Variants in APBB2 observed in about 807,000 individuals in gnomAD.
APBB2 encodes the protein Fe65-like 1.
A neutral mutation model predicts 82.5 loss-of-function variants in APBB2; 38 were observed. The ratio of observed to expected loss-of-function variants is 0.46; its 90% CI spans 0.36 to 0.60. The LOEUF is 0.60. Ranked by LOEUF, APBB2 falls within the 20% of genes least tolerant of loss-of-function variation. The pLI is 0.00. For synonymous variants in APBB2, 341 were observed against 368.2 expected, an observed-to-expected ratio of 0.93 and a Z score of 0.85; for missense variants, 772 against 972.3, an observed-to-expected ratio of 0.79 and a Z score of 2.74.
chr4:41,118,396 C>G (rs1325920823), intron 2 of APBB2, among the ~76,000 whole-genome samples: 4 of 152,086 alleles, frequency 2.6e-5, no homozygotes, highest in Non-Finnish European at 5.9e-5. Context: ...CCGTTTTCCT[C>G]ATCTATAAAA....
At chr4:41,173,263 T>C (rs924781519) in intron 1 of APBB2, among the ~76,000 whole-genome samples, 1 of 152,236 alleles carries the variant, frequency 6.6e-6, no homozygotes, top group Non-Finnish European at 1.5e-5. Context: ...TTTAAAATCA[T>C]AAGTTAGTTA....
At chr4:40,819,176 CTTTTTTTTTTTTCTT>C (rs1208565615) in intron 17 of APBB2, among the ~76,000 whole-genome samples, 28 of 135,214 alleles carry the variant, frequency 2.1e-4, no homozygotes, top group Non-Finnish European at 1.2e-4. Context: ...CCTTGGCTCT[CTTTTTTTTTTTTCTT>C]TTTTTTTTTT....
chr4:41,157,324 C>CA (rs1450560065), intron 1 of APBB2, among the ~76,000 whole-genome samples: 1 of 152,176 alleles, frequency 6.6e-6, no homozygotes, highest in Non-Finnish European at 1.5e-5. Flanking sequence ...AGAGCTCCTG[C>CA]ATGAAAGCCC....
intron 2 of APBB2, among the ~76,000 whole-genome samples, chr4:41,123,573 T>C (rs1279315316): frequency 6.6e-6 from 1 of 152,166 alleles, no homozygotes; most frequent in African/African-American, 2.4e-5. Context: ...GGCTCACACC[T>C]GTAATCCCAG....
At chr4:41,044,225 T>C (rs915043232) in intron 4 of APBB2, among the ~76,000 whole-genome samples, 1 of 152,232 alleles carries the variant, frequency 6.6e-6, no homozygotes, top group Non-Finnish European at 1.5e-5. Flanking sequence ...AGAAAGAAGC[T>C]GATTCTTTCC....
chr4:41,176,174 G>A (rs1478157854), intron 1 of APBB2, among the ~76,000 whole-genome samples: 1 of 152,022 alleles, frequency 6.6e-6, no homozygotes, highest in Non-Finnish European at 1.5e-5. Flanking sequence ...CTCTGTTACT[G>A]AAATATAACC....
chr4:40,995,548 A>ATTT (rs58607232), intron 6 of APBB2, among the ~76,000 whole-genome samples: 1 of 142,596 alleles, frequency 7.0e-6, no homozygotes, highest in African/African-American at 2.6e-5. Flanking sequence ...AAAAAAAAAA[A>ATTT]TTTTTTTTTT....
At chr4:40,880,558 A>G (rs1768181708) in intron 12 of APBB2, 2 of 985,338 alleles carry the variant, frequency 2.0e-6, no homozygotes, top group South Asian at 9.4e-5. Context: ...CCATGTTTAC[A>G]TGGGTTGTTA....
At chr4:41,026,495 C>A (rs1212330855) in intron 5 of APBB2, among the ~76,000 whole-genome samples, 2 of 152,110 alleles carry the variant, frequency 1.3e-5, no homozygotes, top group Non-Finnish European at 2.9e-5. Flanking sequence ...CAGTCACGAC[C>A]CATTCGTCCC....
intron 12 of APBB2, among the ~76,000 whole-genome samples, chr4:40,862,925 GCTT>G (rs1367348668): frequency 6.6e-6 from 1 of 150,942 alleles, no homozygotes; most frequent in Non-Finnish European, 1.5e-5. Flanking sequence ...CAGACTCCTC[GCTT>G]TTTTTACATA....
intron 12 of APBB2, among the ~76,000 whole-genome samples, chr4:40,879,837 A>C (rs767700602): frequency 4.1e-4 from 63 of 152,054 alleles, no homozygotes; most frequent in Non-Finnish European, 7.5e-4. Flanking sequence ...GATTACAGGC[A>C]TGTGCTAACA....
intron 6 of APBB2, among the ~76,000 whole-genome samples, chr4:40,994,657 A>G (rs775908945): frequency 2.0e-5 from 3 of 151,886 alleles, no homozygotes; most frequent in Non-Finnish European, 4.4e-5. Context: ...TACTAAAAAT[A>G]CAAAATATTA....
At chr4:41,002,688 T>C (rs1285394947) in intron 6 of APBB2, among the ~76,000 whole-genome samples, 4 of 152,196 alleles carry the variant, frequency 2.6e-5, no homozygotes, top group Admixed American at 6.5e-5. Context: ...GAATGAGAGG[T>C]CCTCTATTTT....
At chr4:41,120,575 A>G (rs192318221) in intron 2 of APBB2, among the ~76,000 whole-genome samples, 1 of 152,362 alleles carries the variant, frequency 6.6e-6, no homozygotes, top group East Asian at 1.9e-4. Context: ...TAAATGGAAA[A>G]GGGAGTTTTC....
chr4:40,826,018 A>G lies in APBB2; in HGVS notation c.1733-48T>C. On this transcript the variant is annotated intron_variant, in intron 14 of 17. Transcript: ENST00000508593. The surrounding 1 kb of genome is among the most constrained non-coding windows in gnomAD (Gnocchi z 4.5). ...ATCTTTCTCAGTGGTTCCAACACAC[A>G]TGTACACAACAGCCGTGGCTCTGCA... 1 of 1,432,820 alleles carries G rather than the reference A, an allele frequency of 7.0e-7. No individual in the cohort carries two copies. The highest frequency in any genetic ancestry group is 1.1e-5 in the South Asian group (1 of 87,410). The allele number at this position is 1,432,820 out of a possible 1,614,324, so 88.8% of individuals were successfully genotyped here. A position where few individuals can be genotyped will look rare whatever the true frequency, so the allele number is the denominator to read the frequency against.
chr4:40,821,146 G>A (rs902930826), intron 17 of APBB2, among the ~76,000 whole-genome samples: 1 of 152,216 alleles, frequency 6.6e-6, no homozygotes, highest in Admixed American at 6.5e-5. Context: ...GATTACAGGC[G>A]TAAGCCACCA....
intron 12 of APBB2, among the ~76,000 whole-genome samples, chr4:40,882,193 T>A (rs1768823903): frequency 6.6e-6 from 1 of 152,078 alleles, no homozygotes; most frequent in African/African-American, 2.4e-5. Flanking sequence ...CAAAAGGGGA[T>A]CCTGAGAAAG....
At chr4:41,083,188 T>C (rs1475128914) in intron 3 of APBB2, among the ~76,000 whole-genome samples, 2 of 150,780 alleles carry the variant, frequency 1.3e-5, no homozygotes, top group Non-Finnish European at 3.0e-5. Context: ...ATAAGACAAA[T>C]ATGAAGGCCT....
intron 6 of APBB2, among the ~76,000 whole-genome samples, chr4:41,000,069 ATGTGTGTGTGTGTGTG>A (rs779111046): frequency 1.2e-4 from 16 of 130,634 alleles, no homozygotes; most frequent in Non-Finnish European, 1.9e-4. Flanking sequence ...ATATGTGTGT[ATGTGTGTGTGTGTGTG>A]TGTGTGTGTG....
Sources: allele counts gnomAD v4.1 joint callset (sites outside exome capture counted in the v4.1 genomes callset), GRCh38; gene constraint gnomAD v4.1.1; non-coding constraint Gnocchi (gnomAD v3.1); transcripts MANE v1.5; gene names NCBI Gene and HGNC (gene_info 2026-07-23, HGNC 2026-07-21).